LRRTM3: variants seen among roughly 807,000 people sequenced by gnomAD.
LRRTM3 encodes leucine rich repeat transmembrane neuronal 3, also known as leucine-rich repeat transmembrane neuronal protein 3.
A neutral mutation model predicts 44.7 loss-of-function variants in LRRTM3; 24 were observed. The ratio of observed to expected loss-of-function variants is 0.54; its 90% CI spans 0.39 to 0.76. The LOEUF (loss-of-function observed/expected upper bound fraction) is 0.76. Ranked by LOEUF, LRRTM3 falls within the 30% of genes least tolerant of loss-of-function variation. The pLI, the probability that LRRTM3 is intolerant of heterozygous loss-of-function variation, is 0.00. For missense variants in LRRTM3, 587 were observed against 702.2 expected (o/e 0.84, Z 1.85); for synonymous variants, 277 against 278.7 (o/e 0.99, Z 0.06).
chr10:67,062,826 C>A (rs886610083), intron 2 of LRRTM3, among the ~76,000 whole-genome samples: 14 of 152,170 alleles, frequency 9.2e-5, no homozygotes, highest in African/African-American at 3.4e-4. Context: ...ATTAATTTTC[C>A]TCCAACAACA....
At chr10:67,059,319 A>C (rs1158640590) in intron 2 of LRRTM3, among the ~76,000 whole-genome samples, 1 of 152,162 alleles carries the variant, frequency 6.6e-6, no homozygotes, top group Non-Finnish European at 1.5e-5. Flanking sequence ...AATGGTAGAG[A>C]CTTCTATTTC....
At chr10:66,929,829 C>T (rs1462245624) in intron 2 of LRRTM3, among the ~76,000 whole-genome samples, 1 of 152,180 alleles carries the variant, frequency 6.6e-6, no homozygotes, top group Non-Finnish European at 1.5e-5. Flanking sequence ...ATTTGAGTAA[C>T]TTGAACCACA....
At chr10:67,009,563 G>T (rs1383146717) in intron 2 of LRRTM3, among the ~76,000 whole-genome samples, 5 of 151,660 alleles carry the variant, frequency 3.3e-5, no homozygotes, top group Admixed American at 6.6e-5. Flanking sequence ...ATCATATCTA[G>T]TATAATTTCC....
chr10:67,010,843 G>A (rs1852278532), intron 2 of LRRTM3, among the ~76,000 whole-genome samples: 1 of 152,124 alleles, frequency 6.6e-6, no homozygotes, highest in Non-Finnish European at 1.5e-5. Context: ...CATATTTGTA[G>A]ATACTAATTA....
intron 2 of LRRTM3, among the ~76,000 whole-genome samples, chr10:66,997,052 T>A (rs569314572): frequency 1.3e-5 from 2 of 152,204 alleles, no homozygotes; most frequent in Non-Finnish European, 2.9e-5. Context: ...ATATTAATAC[T>A]AACAGAGAGT....
intron 2 of LRRTM3, among the ~76,000 whole-genome samples, chr10:67,017,927 G>A (rs1210337739): frequency 2.0e-5 from 3 of 151,922 alleles, no homozygotes; most frequent in Non-Finnish European, 2.9e-5. Flanking sequence ...GTGCCACCAC[G>A]CCCAGCTAAT....
At chr10:66,968,022 A>G (rs1183609787) in intron 2 of LRRTM3, among the ~76,000 whole-genome samples, 1 of 152,068 alleles carries the variant, frequency 6.6e-6, no homozygotes, top group East Asian at 1.9e-4. Context: ...AGTCTATACT[A>G]AAAGAAAAGA....
At chr10:66,947,729 GA>G (rs1848345822) in intron 2 of LRRTM3, among the ~76,000 whole-genome samples, 1 of 151,638 alleles carries the variant, frequency 6.6e-6, no homozygotes, top group African/African-American at 2.4e-5. Flanking sequence ...TAAATTTAGG[GA>G]AAATACAGAT....
At chr10:66,970,510 G>GGGGA (rs1370865249) in intron 2 of LRRTM3, among the ~76,000 whole-genome samples, 2 of 136,622 alleles carry the variant, frequency 1.5e-5, no homozygotes, top group Admixed American at 1.5e-4. Flanking sequence ...GGTGGGGGGG[G>GGGGA]GATACAATTC....
chr10:66,930,026 C>G (rs1367838112), intron 2 of LRRTM3, among the ~76,000 whole-genome samples: 1 of 151,872 alleles, frequency 6.6e-6, no homozygotes, highest in Non-Finnish European at 1.5e-5. Context: ...ACTGCAGCAA[C>G]AAAGAAAAAG....
chr10:66,932,331 C>T (rs1053956652), intron 2 of LRRTM3, among the ~76,000 whole-genome samples: 4 of 152,156 alleles, frequency 2.6e-5, no homozygotes, highest in African/African-American at 4.8e-5. Context: ...GAACTCAAAT[C>T]GTTTATTTAA....
chr10:67,073,523 C>T (rs1314941210), intron 2 of LRRTM3, among the ~76,000 whole-genome samples: 3 of 151,522 alleles, frequency 2.0e-5, no homozygotes, highest in Non-Finnish European at 4.4e-5. Flanking sequence ...CCCTCTTAAA[C>T]AAGTATCAAC....
Position 67,098,503 on chromosome 10 carries a change from T to A in LRRTM3, c.*707T>A, listed in dbSNP as rs1858148536. 1 of 152,302 alleles carries A rather than the reference T, an allele frequency of 6.6e-6. No homozygotes were observed. Among genetic ancestry groups the A allele is most frequent in the Non-Finnish European group, 1.5e-5 (1 of 67,886 alleles). 9.4% of individuals were successfully genotyped at this position (152,302 alleles called of 1,614,324 possible). ...AGATTTTTTTAACAGTTCTCAGACT[T>A]AACTGTTGCCTTGAATTACAGCCTA... On this transcript the variant is annotated 3_prime_UTR_variant, in exon 3 of 3. Coordinates refer to ENST00000361320, the MANE Select transcript of LRRTM3 (RefSeq NM_178011.5).
At chr10:66,996,670 A>AAAAAAAAAAAAAAC (rs1217903200) in intron 2 of LRRTM3, among the ~76,000 whole-genome samples, 2 of 150,596 alleles carry the variant, frequency 1.3e-5, no homozygotes, top group Non-Finnish European at 3.0e-5. Flanking sequence ...AAAAAAAAAA[A>AAAAAAAAAAAAAAC]AGCATGTTTG....
Position 67,051,462 on chromosome 10 carries a change from TC to T in LRRTM3, c.1537-46124del, listed in dbSNP as rs1208398793. 6.7e-3 allele frequency among the ~76,000 whole-genome samples: 524 copies of T among 78,538 alleles called. 5 individuals carry two copies. Among genetic ancestry groups the T allele is most frequent in the Middle Eastern group, 0.013 (1 of 78 alleles). 51.5% of individuals were successfully genotyped at this position (78,538 alleles called of 152,430 possible). A position where few individuals can be genotyped will look rare whatever the true frequency, so the allele number is the denominator to read the frequency against. On this transcript the variant is annotated intron_variant, in intron 2 of 2. Coordinates refer to ENST00000361320, the MANE Select transcript of LRRTM3 (RefSeq NM_178011.5). ...CACATCTTTTTTCTTTTTTCTTTTT[TC>T]TTTTTTTTTTTTTGGTGACGGAGTC...
At chr10:66,967,223 C>T (rs905580099) in intron 2 of LRRTM3, among the ~76,000 whole-genome samples, 2 of 151,776 alleles carry the variant, frequency 1.3e-5, no homozygotes, top group Non-Finnish European at 1.5e-5. Context: ...TGACATAAAC[C>T]ATGACCTTCT....
At chr10:66,951,845 T>C (rs568423289) in intron 2 of LRRTM3, among the ~76,000 whole-genome samples, 1 of 152,330 alleles carries the variant, frequency 6.6e-6, no homozygotes, top group South Asian at 2.1e-4. Context: ...TCATCTCACC[T>C]GGCCTGATTA....
At chr10:67,089,236 A>C in intron 2 of LRRTM3, among the ~76,000 whole-genome samples, 1 of 152,192 alleles carries the variant, frequency 6.6e-6, no homozygotes, top group South Asian at 2.1e-4. Context: ...TTAGCTCTTA[A>C]GAAAATATAA....
chr10:66,937,622 G>T lies in LRRTM3; in HGVS notation c.1536+9170G>T, dbSNP rs573522038. Among the ~76,000 whole-genome samples, 7 of 152,182 alleles carry T rather than the reference G, an allele frequency of 4.6e-5. No individual in the cohort carries two copies. In the South Asian group the frequency reaches 8.3e-4, roughly 18 times the overall value. On this transcript the variant is annotated intron_variant, in intron 2 of 2. Coordinates refer to ENST00000361320, the MANE Select transcript of LRRTM3 (RefSeq NM_178011.5). ...ACGTAGTTAATACTGAAGAGTGATG[G>T]TAGTACATAAAACCAATGTCCTCAG...
Sources: allele counts gnomAD v4.1 joint callset (sites outside exome capture counted in the v4.1 genomes callset), GRCh38; gene constraint gnomAD v4.1.1; transcripts MANE v1.5; gene names NCBI Gene and HGNC (gene_info 2026-07-23, HGNC 2026-07-21).